CDK6: variants seen among roughly 807,000 people sequenced by gnomAD.
CDK6 encodes the protein cyclin dependent kinase 6, also known as cyclin-dependent kinase 6.
Under a neutral mutation model 37.1 loss-of-function variants are expected in CDK6, and 6 were observed. The observed-to-expected ratio is 0.16, with a 90% CI of 0.09 to 0.32. CDK6 has a LOEUF of 0.32. Among genes scored for constraint, CDK6 ranks in the 10% least tolerant of loss-of-function variants. CDK6 has a pLI of 1.00. For missense variants in CDK6, 224 were observed against 418.9 expected (o/e 0.53, Z 4.06); for synonymous variants, 160 against 161.3 (o/e 0.99, Z 0.06).
In CDK6 at chr7:92,691,679, T is replaced by C. The variant is rs577836585; in HGVS notation, c.538-20144A>G. 7.9e-5 allele frequency among the ~76,000 whole-genome samples: 12 copies of C among 152,318 alleles called. No individual in the cohort carries two copies. In the South Asian group the frequency reaches 8.3e-4, roughly 11 times the overall value. On this transcript the variant is annotated intron_variant, in intron 4 of 7. Coordinates refer to ENST00000424848, the MANE Select transcript of CDK6 (RefSeq NM_001145306.2). ...GATTGGTAATCAGAACTATATAGAT[T>C]ACACGTGCTTTCATTTCACAGTTAG...
At chr7:92,783,942 A>G (rs1472509228) in intron 2 of CDK6, among the ~76,000 whole-genome samples, 4 of 152,180 alleles carry the variant, frequency 2.6e-5, no homozygotes, top group Non-Finnish European at 1.5e-5. Flanking sequence ...ATAGTCCTAC[A>G]TACAGCAAGC....
chr7:92,734,242 C>T (rs1263161714), intron 3 of CDK6, among the ~76,000 whole-genome samples: 5 of 152,148 alleles, frequency 3.3e-5, no homozygotes, highest in Non-Finnish European at 7.3e-5. Flanking sequence ...TCTGAGGCTC[C>T]CACTATAGCG....
chr7:92,794,114 G>A (rs1431778888), intron 2 of CDK6, among the ~76,000 whole-genome samples: 1 of 152,122 alleles, frequency 6.6e-6, no homozygotes, highest in Non-Finnish European at 1.5e-5. Flanking sequence ...AGATAAAGAA[G>A]TGTGTTCTGC....
At chr7:92,663,747 A>G (rs1264909619) in intron 5 of CDK6, among the ~76,000 whole-genome samples, 2 of 151,980 alleles carry the variant, frequency 1.3e-5, no homozygotes, top group Non-Finnish European at 2.9e-5. Context: ...AACATTACCA[A>G]AGTATTAATT....
intron 4 of CDK6, among the ~76,000 whole-genome samples, chr7:92,688,581 TCACACACACACACACACACACACA>T (rs35953301): frequency 1.0e-4 from 13 of 127,578 alleles, no homozygotes; most frequent in South Asian, 2.8e-4. Context: ...TACATATACA[TCACACACACACACACACACACACA>T]CACACACACA....
chr7:92,660,769 T>C (rs1796816736), intron 5 of CDK6, among the ~76,000 whole-genome samples: 1 of 152,000 alleles, frequency 6.6e-6, no homozygotes, highest in African/African-American at 2.4e-5. Context: ...CCAGGGTGAC[T>C]CTGAGGACCC....
rs1795553529 is a variant in CDK6, at chr7:92,611,108, A to G, written c.*4032T>C. 8.8e-6 allele frequency: 2 copies of G among 227,196 alleles called. No individual in the cohort carries two copies. The highest frequency in any genetic ancestry group is 1.3e-4 in the East Asian group (2 of 15,630). 14.1% of individuals were successfully genotyped at this position (227,196 alleles called of 1,614,324 possible). ...TCAAAATATATATAGCTTTGAAACTACCCTTTAAATACCTTCATTTTCTCC... is the reference window on the plus strand; with the variant it reads ...TCAAAATATATATAGCTTTGAAACTGCCCTTTAAATACCTTCATTTTCTCC... On this transcript the variant is annotated 3_prime_UTR_variant, in exon 8 of 8. Coordinates refer to ENST00000424848, the MANE Select transcript of CDK6 (RefSeq NM_001145306.2).
chr7:92,751,676 G>T (rs1799191738), intron 3 of CDK6, among the ~76,000 whole-genome samples: 1 of 152,248 alleles, frequency 6.6e-6, no homozygotes, highest in African/African-American at 2.4e-5. Flanking sequence ...AGTGATAAGA[G>T]TATATTCTCC....
chr7:92,832,657 C>G (rs1801520591), intron 2 of CDK6, among the ~76,000 whole-genome samples: 1 of 152,194 alleles, frequency 6.6e-6, no homozygotes, highest in Non-Finnish European at 1.5e-5. Context: ...GATTATCACA[C>G]GGCATCCTCA....
intron 5 of CDK6, among the ~76,000 whole-genome samples, chr7:92,655,698 T>C (rs1441723212): frequency 1.3e-5 from 2 of 152,352 alleles, no homozygotes; most frequent in East Asian, 3.9e-4. Context: ...TCTGTGCCAG[T>C]GATAAGAGAA....
intron 5 of CDK6, among the ~76,000 whole-genome samples, chr7:92,658,314 AACACTGTTTGCAGT>A: frequency 6.6e-6 from 1 of 152,346 alleles, no homozygotes; most frequent in Non-Finnish European, 1.5e-5. Flanking sequence ...ATTTTACTGC[AACACTGTTTGCAGT>A]AAATATTGTT....
At chr7:92,639,658 G>T (rs940122604) in intron 5 of CDK6, among the ~76,000 whole-genome samples, 2 of 152,140 alleles carry the variant, frequency 1.3e-5, no homozygotes, top group East Asian at 1.9e-4. Flanking sequence ...AAATTTTTTT[G>T]TTGTTTCGTT....
At position 92,833,111 on chromosome 7, in the gene CDK6, G is replaced by C. The variant is rs1309345872; in HGVS notation, c.213C>G (p.Phe71Leu). The change falls in exon 2 of 8, where the codon TTC (phenylalanine) becomes TTG (leucine). Residue 71 changes from phenylalanine (F) to leucine (L), a missense_variant. Transcript: ENST00000424848. The surrounding 1 kb of genome is among the most constrained non-coding windows in gnomAD (Gnocchi z 6.1). ...EVAVLRHLET[F>L]EHPNVVRLFD... ...CTCACCTGACCACGTTGGGGTGCTC[G>C]AAGGTCTCCAGGTGCCTCAGCACCG... 1 of 1,601,026 alleles carries C rather than the reference G, an allele frequency of 6.2e-7. No homozygotes were observed. Among genetic ancestry groups the C allele is most frequent in the Non-Finnish European group, 8.5e-7 (1 of 1,174,778 alleles).
At chr7:92,657,081 A>G (rs1329270822) in intron 5 of CDK6, among the ~76,000 whole-genome samples, 1 of 152,016 alleles carries the variant, frequency 6.6e-6, no homozygotes, top group Non-Finnish European at 1.5e-5. Flanking sequence ...AAAACATATT[A>G]AATAAATGTG....
chr7:92,662,556 T>C (rs2116583544), intron 5 of CDK6, among the ~76,000 whole-genome samples: 1 of 152,260 alleles, frequency 6.6e-6, no homozygotes, highest in Non-Finnish European at 1.5e-5. Context: ...ATGTACAATG[T>C]CATGAGAAGG....
chr7:92,618,024 G>T (rs911257873), intron 7 of CDK6, 48 bp downstream of exon 7: 16 of 1,598,720 alleles, frequency 1.0e-5, no homozygotes, highest in Non-Finnish European at 1.3e-5. Context: ...GGTAGAGCAG[G>T]TGTCTCACTG....
At chr7:92,781,003 T>C (rs2115815153) in intron 2 of CDK6, among the ~76,000 whole-genome samples, 1 of 152,250 alleles carries the variant, frequency 6.6e-6, no homozygotes, top group African/African-American at 2.4e-5. Flanking sequence ...GTATTGAATA[T>C]GAACAAAATA....
At chr7:92,676,940 CAG>C (rs1797217634) in intron 4 of CDK6, among the ~76,000 whole-genome samples, 2 of 140,374 alleles carry the variant, frequency 1.4e-5, no homozygotes, top group East Asian at 2.1e-4. Flanking sequence ...GCCTGGGCGA[CAG>C]AGAGACTCCG....
chr7:92,687,547 C>T (rs1797489743), intron 4 of CDK6, among the ~76,000 whole-genome samples: 1 of 152,168 alleles, frequency 6.6e-6, no homozygotes, highest in Admixed American at 6.5e-5. Flanking sequence ...TCTAGATTAA[C>T]AACTACGGCA....
Sources: allele counts gnomAD v4.1 joint callset (sites outside exome capture counted in the v4.1 genomes callset), GRCh38; gene constraint gnomAD v4.1.1; non-coding constraint Gnocchi (gnomAD v3.1); transcripts MANE v1.5; gene names NCBI Gene and HGNC (gene_info 2026-07-23, HGNC 2026-07-21).